BRCA2: variants seen among roughly 807,000 people sequenced by gnomAD.
BRCA2 encodes the protein breast cancer type 2 susceptibility protein.
Under a neutral mutation model 276.7 loss-of-function variants are expected in BRCA2, and 203 were observed. The ratio of observed to expected loss-of-function variants is 0.73; its 90% CI spans 0.65 to 0.82. The LOEUF is 0.82. BRCA2 is among the 40% of genes least tolerant of loss of function. The probability of loss-of-function intolerance (pLI) is 0.00; values close to 1 mark genes in which losing one functional copy is unlikely to be tolerated. For missense variants in BRCA2, 3,920 were observed against 3,915.0 expected (o/e 1.00, Z -0.03); for synonymous variants, 1,289 against 1,338.4 (o/e 0.96, Z 0.81).
In BRCA2 at chr13:32,398,712, G is replaced by A. The variant is rs763642189; in HGVS notation, c.10199G>A (p.Ser3400Asn). ...LIKEQESSQA[S>N]TEECEKNKQD... ...AAAGAACAGGAGAGTTCCCAGGCCA[G>A]TACGGAAGAATGTGAGAAAAATAAG... Residue 3400 changes from serine (S) to asparagine (N), a missense_variant, in exon 27 of 27, where the codon AGT (serine) becomes AAT (asparagine). By Grantham distance (46) the Ser-to-Asn change is conservative. Coordinates refer to ENST00000380152, the MANE Select transcript of BRCA2 (RefSeq NM_000059.4). 1 of 1,613,976 alleles carries A rather than the reference G, an allele frequency of 6.2e-7. No individual in the cohort carries two copies. The highest frequency in any genetic ancestry group is 8.5e-7 in the Non-Finnish European group (1 of 1,179,972).
chr13:32,342,809 G>A lies in BRCA2; in HGVS notation c.6841+1613G>A, dbSNP rs1013984859. Among the ~76,000 whole-genome samples, 9 of 152,304 alleles carry A rather than the reference G, an allele frequency of 5.9e-5. No homozygotes were observed. The East Asian group carries it at 1.7e-3, about 29-fold the overall frequency. On this transcript the variant is annotated intron_variant, in intron 11 of 26. Coordinates refer to ENST00000380152, the MANE Select transcript of BRCA2 (RefSeq NM_000059.4). ...GCCTGTAATCCCAGCACTTTGGGAG[G>A]CTGAGGCAGGCGGATCACCTGAGGT...
chr13:32,327,995 C>T (rs974024607), intron 7 of BRCA2, among the ~76,000 whole-genome samples: 2 of 151,868 alleles, frequency 1.3e-5, no homozygotes, highest in African/African-American at 4.8e-5. Flanking sequence ...ATGTTGCCCA[C>T]ACTTGTCTCA....
At chr13:32,360,974 G>A (rs1458035392) in intron 16 of BRCA2, among the ~76,000 whole-genome samples, 4 of 152,206 alleles carry the variant, frequency 2.6e-5, no homozygotes, top group Non-Finnish European at 5.9e-5. Flanking sequence ...GACCAAAGAT[G>A]GAGGGAAATG....
At position 32,338,600 on chromosome 13, in the gene BRCA2, G is replaced by C. The variant is rs786201111; in HGVS notation, c.4245G>C (p.Glu1415Asp). 6.3e-7 allele frequency: 1 copy of C among 1,595,990 alleles called. No homozygotes were observed. Among genetic ancestry groups the C allele is most frequent in the East Asian group, 2.2e-5 (1 of 44,510 alleles). The change falls in exon 11 of 27, where the codon GAG becomes GAC. Residue 1415 changes from glutamate (E) to aspartate (D), a missense_variant. Glu to Asp is a conservative substitution (Grantham distance 45). Transcript: ENST00000380152. ...NKEQLTATKTEQNIKDFETSD... is the reference protein window; with the variant it reads ...NKEQLTATKTDQNIKDFETSD... ...AACAGTTAACTGCTACTAAAACGGA[G>C]CAAAATATAAAAGATTTTGAGACTT... is the stretch of plus-strand genomic sequence containing the variant.
intron 3 of BRCA2, among the ~76,000 whole-genome samples, chr13:32,319,554 G>A (rs1288860744): frequency 1.3e-5 from 2 of 152,138 alleles, no homozygotes; most frequent in Non-Finnish European, 2.9e-5. Context: ...TCCCTCCTTT[G>A]ATAAATTTGC....
intron 18 of BRCA2, among the ~76,000 whole-genome samples, chr13:32,364,838 A>G (rs774497078): frequency 1.3e-5 from 2 of 152,148 alleles, no homozygotes; most frequent in Non-Finnish European, 2.9e-5. Flanking sequence ...TATGTGTGCC[A>G]TACAGCTCTC....
intron 13 of BRCA2, among the ~76,000 whole-genome samples, chr13:32,352,617 G>A (rs1195531262): frequency 6.6e-6 from 1 of 152,204 alleles, no homozygotes; most frequent in East Asian, 1.9e-4. Context: ...GAATTTGGTT[G>A]GGGGACAGAG....
chr13:32,359,815 C>T (rs367635476), intron 16 of BRCA2, among the ~76,000 whole-genome samples: 21 of 152,194 alleles, frequency 1.4e-4, no homozygotes, highest in Admixed American at 3.3e-4. Flanking sequence ...TGGAGGCTTT[C>T]GTTAGTTTTT....
chr13:32,318,673 C>T (rs2072280883), intron 2 of BRCA2, among the ~76,000 whole-genome samples: 1 of 152,106 alleles, frequency 6.6e-6, no homozygotes, highest in Admixed American at 6.6e-5. Context: ...GATCTGACCT[C>T]GTGATCTGCT....
chr13:32,382,001 T>C (rs2072927617), intron 24 of BRCA2, among the ~76,000 whole-genome samples: 1 of 152,200 alleles, frequency 6.6e-6, no homozygotes. Context: ...AGCTCAGTTT[T>C]AGACAGTTAA....
intron 4 of BRCA2, among the ~76,000 whole-genome samples, chr13:32,325,494 T>G (rs2072337995): frequency 6.6e-6 from 1 of 152,036 alleles, no homozygotes. Flanking sequence ...TAAAATAAAT[T>G]GTGTACTTTT....
rs1566230343 is a variant in BRCA2 at position 32,338,807 on chromosome 13, C to T, written c.4452C>T (p.Asp1484=). 1 of 1,613,480 alleles carries T rather than the reference C, an allele frequency of 6.2e-7. No homozygotes were observed. Among genetic ancestry groups the T allele is most frequent in the Non-Finnish European group, 8.5e-7 (1 of 1,179,756 alleles). ...KMDILSYEET[D]IVKHKILKES... is the part of the protein sequence containing the mutation. ...ACATTCTAAGTTATGAGGAAACAGA[C>T]ATAGTTAAACACAAAATACTGAAAG... Residue 1484 remains aspartate, a synonymous_variant, in exon 11 of 27, where the codon GAC becomes GAT. Coordinates refer to ENST00000380152, the MANE Select transcript of BRCA2 (RefSeq NM_000059.4).
chr13:32,326,684 G>A (rs1212790721), intron 7 of BRCA2, 71 bp downstream of exon 7: 2 of 1,167,264 alleles, frequency 1.7e-6, no homozygotes, highest in African/African-American at 1.5e-5. Flanking sequence ...TAATACTTCT[G>A]TTAAAAGGAA....
intron 24 of BRCA2, among the ~76,000 whole-genome samples, chr13:32,389,107 C>G (rs2072980589): frequency 6.6e-6 from 1 of 152,074 alleles, no homozygotes; most frequent in African/African-American, 2.4e-5. Flanking sequence ...TTACAACATA[C>G]ATGTATGACT....
intron 18 of BRCA2, among the ~76,000 whole-genome samples, chr13:32,368,001 CTTTTTTTTTTTTTTTTTTTTTTTTTT>C (rs71071031): frequency 5.9e-5 from 3 of 50,728 alleles, no homozygotes; most frequent in African/African-American, 2.5e-4. Context: ...TCTTCTAATT[CTTTTTTTTTTTTTTTTTTTTTTTTTT>C]TTTTTTTTTT....
Position 32,338,882 on chromosome 13 carries a change from A to G in BRCA2, c.4527A>G (p.Gln1509=), listed in dbSNP as rs56283738. The change falls in exon 11 of 27, where the codon CAA becomes CAG. Residue 1509 remains glutamine, a synonymous_variant. Coordinates refer to ENST00000380152, the MANE Select transcript of BRCA2 (RefSeq NM_000059.4). ...ATCAACTAGTGACCTTCCAGGGACA[A>G]CCCGAACGTGATGAAAAGATCAAAG... is the stretch of plus-strand genomic sequence containing the variant. ...TGNQLVTFQG[Q]PERDEKIKEP... 1 of 1,613,786 alleles carries G rather than the reference A, an allele frequency of 6.2e-7. No individual in the cohort carries two copies. Among genetic ancestry groups the G allele is most frequent in the East Asian group, 2.2e-5 (1 of 44,872 alleles).
rs786202543 is a variant in BRCA2, at chr13:32,339,555, G to A, written c.5200G>A (p.Glu1734Lys). ...IAENDKNHLS[E>K]KQDTYLSNSS... The stretch of plus-strand genomic sequence containing the variant: ...TGAAAATGACAAAAATCATCTCTCC[G>A]AAAAACAAGATACTTATTTAAGTAA... Residue 1734 changes from glutamate to lysine, a missense_variant, in exon 11 of 27, where the codon GAA becomes AAA. This residue lies in a region of BRCA2 where 3,263 missense variants were observed against 3,156.9 expected (regional missense o/e 1.03). Transcript: ENST00000380152. The A allele has an allele frequency of 6.8e-6, 11 of 1,607,236 alleles. No homozygotes were observed. The highest frequency in any genetic ancestry group is 2.7e-5 in the African/African-American group (2 of 74,650).
At chr13:32,326,822 TTA>T (rs1373013102) in intron 7 of BRCA2, among the ~76,000 whole-genome samples, 1 of 152,260 alleles carries the variant, frequency 6.6e-6, no homozygotes, top group African/African-American at 2.4e-5. Flanking sequence ...GTGTCAAGCA[TTA>T]TGTTTTAGTA....
chr13:32,338,515 T>C lies in BRCA2; in HGVS notation c.4160T>C (p.Leu1387Ser). ...NTQIKEDLSDLTFLEVAKAQE... is the reference protein window; with the variant it reads ...NTQIKEDLSDSTFLEVAKAQE... The stretch of plus-strand genomic sequence containing the variant: ...CAGATTAAAGAAGATTTGTCAGATT[T>C]AACTTTTTTGGAAGTTGCGAAAGCT... The change falls in exon 11 of 27, where the codon TTA (leucine) becomes TCA (serine). Residue 1387 changes from leucine to serine, a missense_variant. Around this residue, in one of 2 missense-constraint regions of BRCA2, gnomAD observed 3,263 missense variants for 3,156.9 expected, o/e 1.03. Transcript: ENST00000380152. The C allele has an allele frequency of 1.9e-6, 3 of 1,604,100 alleles. No homozygotes were observed. The highest frequency in any genetic ancestry group is 2.5e-6 in the Non-Finnish European group (3 of 1,177,374).
Sources: gnomAD v4.1 joint callset for allele counts (sites outside exome capture counted in the v4.1 genomes callset) on GRCh38, gnomAD v4.1.1 for gene constraint, gnomAD v4.1.1 regional missense constraint, MANE v1.5 for transcripts, NCBI Gene and HGNC (gene_info 2026-07-23, HGNC 2026-07-21) for gene names.